The following PCDH15 variants were observed in gnomAD, a reference collection of about 807,000 sequenced individuals.
PCDH15 encodes protocadherin related 15.
In PCDH15, 129 loss-of-function variants were observed where a neutral mutation model predicts 178.5. That is an observed-to-expected ratio of 0.72 (90% CI 0.63 to 0.84). The LOEUF (loss-of-function observed/expected upper bound fraction) is 0.84, where lower values mean the gene tolerates loss of function less well. Among genes scored for constraint, PCDH15 ranks in the 40% least tolerant of loss-of-function variants. The pLI is 0.00. For synonymous variants in PCDH15, 800 were observed against 732.0 expected, an observed-to-expected ratio of 1.09 and a Z score of -1.50; for missense variants, 2,230 against 2,099.9, an observed-to-expected ratio of 1.06 and a Z score of -1.21.
chr10:53,823,367 A>G (rs1564541041), intron 32 of PCDH15: 1 of 1,609,146 alleles, frequency 6.2e-7, no homozygotes, highest in East Asian at 2.2e-5. Flanking sequence ...GACTTGAAAG[A>G]AAAGAAGATA....
intron 13 of PCDH15, among the ~76,000 whole-genome samples, chr10:54,171,478 C>G (rs1290763784): frequency 6.6e-6 from 1 of 152,046 alleles, no homozygotes; most frequent in Non-Finnish European, 1.5e-5. Context: ...CTGTGCCCCC[C>G]AAAAAACTTG....
chr10:54,634,968 C>A (rs1051777334), intron 2 of PCDH15, among the ~76,000 whole-genome samples: 4 of 151,584 alleles, frequency 2.6e-5, no homozygotes, highest in African/African-American at 4.8e-5. Flanking sequence ...AGGAAGATAG[C>A]AGTAAGGCTC....
rs191141023 is a variant in PCDH15 at position 54,406,738 on chromosome 10, C to G, written c.158-27796G>C. ...AACAAAAGTTAACCTTAACCCCTAC[C>G]TCCTAACAAACACGAAATTAATCAA... On this transcript the variant is annotated intron_variant, in intron 3 of 37. Coordinates refer to ENST00000644397, the MANE Select transcript of PCDH15 (RefSeq NM_001384140.1). Among the ~76,000 whole-genome samples the G allele has an allele frequency of 1.9e-4, 29 of 152,194 alleles. No individual in the cohort carries two copies. The East Asian group carries it at 5.0e-3, about 26-fold the overall frequency.
intron 4 of PCDH15, among the ~76,000 whole-genome samples, chr10:54,378,082 C>A (rs1173200176): frequency 6.6e-6 from 1 of 151,812 alleles, no homozygotes; most frequent in Non-Finnish European, 1.5e-5. Context: ...TGTTACCATG[C>A]CTGCCTAGTT....
At chr10:54,947,133 G>A (rs575324399) in intron 2 of PCDH15, among the ~76,000 whole-genome samples, 5 of 151,828 alleles carry the variant, frequency 3.3e-5, no homozygotes, top group African/African-American at 7.2e-5. Flanking sequence ...ACACTATATT[G>A]AGCAATAGAA....
chr10:54,861,809 C>G (rs1953848316), intron 3 of PCDH15, among the ~76,000 whole-genome samples: 1 of 152,146 alleles, frequency 6.6e-6, no homozygotes, highest in African/African-American at 2.4e-5. Context: ...AAAGATTCCT[C>G]CAAAAGACTC....
At chr10:55,535,121 G>A (rs1841543227) in intron 2 of PCDH15, among the ~76,000 whole-genome samples, 1 of 152,026 alleles carries the variant, frequency 6.6e-6, no homozygotes, top group African/African-American at 2.4e-5. Context: ...CTACCTGTAT[G>A]TAATATACCC....
intron 1 of PCDH15, among the ~76,000 whole-genome samples, chr10:55,306,429 T>C (rs907467634): frequency 2.6e-5 from 4 of 152,210 alleles, no homozygotes; most frequent in Non-Finnish European, 5.9e-5. Flanking sequence ...AATGAGGGGA[T>C]CTTTTTGGTA....
chr10:54,969,392 C>A (rs563909082), intron 2 of PCDH15, among the ~76,000 whole-genome samples: 1 of 152,266 alleles, frequency 6.6e-6, no homozygotes, highest in South Asian at 2.1e-4. Context: ...TTTTTCCATT[C>A]TGTGAATTAA....
intron 3 of PCDH15, among the ~76,000 whole-genome samples, chr10:54,509,230 G>A (rs769695727): frequency 5.9e-5 from 9 of 151,910 alleles, no homozygotes; most frequent in Admixed American, 2.0e-4. Flanking sequence ...TAATTTCCAC[G>A]TGTTGTGGGA....
chr10:53,892,410 T>C (rs183594015), intron 26 of PCDH15, among the ~76,000 whole-genome samples: 31 of 152,274 alleles, frequency 2.0e-4, no homozygotes, highest in Admixed American at 1.6e-3. Context: ...TTATAAGTAA[T>C]ACGAATTAAA....
chr10:54,460,122 G>A (rs1371338004), intron 3 of PCDH15, among the ~76,000 whole-genome samples: 1 of 152,108 alleles, frequency 6.6e-6, no homozygotes, highest in Non-Finnish European at 1.5e-5. Flanking sequence ...AACTAAAACA[G>A]AAGAATAAAT....
intron 1 of PCDH15, among the ~76,000 whole-genome samples, chr10:54,719,862 C>CT (rs1348966257): frequency 8.5e-6 from 1 of 117,378 alleles, no homozygotes; most frequent in Non-Finnish European, 1.8e-5. Flanking sequence ...TGATCTCATT[C>CT]TTTTTATGGC....
intron 8 of PCDH15, among the ~76,000 whole-genome samples, chr10:54,308,681 C>T (rs538561853): frequency 1.3e-5 from 2 of 152,086 alleles, no homozygotes; most frequent in Admixed American, 6.6e-5. Flanking sequence ...ATGTGCAGAA[C>T]GTGCAGGTTT....
chr10:54,295,855 T>C (rs1430918251), intron 8 of PCDH15, among the ~76,000 whole-genome samples: 1 of 151,840 alleles, frequency 6.6e-6, no homozygotes, highest in African/African-American at 2.4e-5. Context: ...CAGTTAAAAG[T>C]GGTTGGTGGC....
intron 10 of PCDH15, among the ~76,000 whole-genome samples, chr10:54,205,489 G>GTGTGTGTGTGTA (rs1288146213): frequency 6.7e-6 from 1 of 150,338 alleles, no homozygotes; most frequent in African/African-American, 2.4e-5. Flanking sequence ...CTTTGTGTGT[G>GTGTGTGTGTGTA]TGTGTGTGTG....
intron 3 of PCDH15, among the ~76,000 whole-genome samples, chr10:54,385,058 T>C (rs1465341370): frequency 6.6e-6 from 1 of 152,164 alleles, no homozygotes; most frequent in East Asian, 1.9e-4. Context: ...AATCCAAGTG[T>C]ATATTCCAGG....
intron 5 of PCDH15, among the ~76,000 whole-genome samples, chr10:54,364,000 G>A (rs994623022): frequency 5.9e-5 from 9 of 151,962 alleles, no homozygotes; most frequent in Admixed American, 3.3e-4. Flanking sequence ...ATCACCTGAG[G>A]TCAGGAGTTC....
chr10:54,041,836 C>G (rs1012412354), intron 18 of PCDH15, among the ~76,000 whole-genome samples: 2 of 151,980 alleles, frequency 1.3e-5, no homozygotes, highest in Admixed American at 1.3e-4. Flanking sequence ...CGGTGACTTT[C>G]ACATTACTTG....
Sources: gnomAD v4.1 joint callset for allele counts (sites outside exome capture counted in the v4.1 genomes callset) on GRCh38, gnomAD v4.1.1 for gene constraint, MANE v1.5 for transcripts, NCBI Gene and HGNC (gene_info 2026-07-23, HGNC 2026-07-21) for gene names.